The following ATP6V0A4 variants were observed in gnomAD, a reference collection of about 807,000 sequenced individuals.
ATP6V0A4 encodes V-type proton ATPase 116 kDa subunit a 4.
A neutral mutation model predicts 107.3 loss-of-function variants in ATP6V0A4; 86 were observed. The ratio of observed to expected loss-of-function variants is 0.80; its 90% CI spans 0.67 to 0.96. The LOEUF (loss-of-function observed/expected upper bound fraction) is 0.96, where lower values mean the gene tolerates loss of function less well. Ranked by LOEUF, ATP6V0A4 falls within the 40% of genes least tolerant of loss-of-function variation. The pLI, the probability that ATP6V0A4 is intolerant of heterozygous loss-of-function variation, is 0.00. For synonymous variants in ATP6V0A4, 353 were observed against 381.4 expected (o/e 0.93, Z 0.87); for missense variants, 908 against 1,045.6 (o/e 0.87, Z 1.81).
At chr7:138,753,273 C>G (rs1425627860) in intron 10 of ATP6V0A4, among the ~76,000 whole-genome samples, 1 of 152,172 alleles carries the variant, frequency 6.6e-6, no homozygotes, top group African/African-American at 2.4e-5. Flanking sequence ...TACCACGTGA[C>G]AACAGAGGCA....
intron 18 of ATP6V0A4, among the ~76,000 whole-genome samples, chr7:138,727,544 G>C (rs554068137): frequency 3.5e-4 from 53 of 152,268 alleles, no homozygotes; most frequent in African/African-American, 1.3e-3. Context: ...GAGACAGTGG[G>C]AGGAGAGGCA....
At chr7:138,722,048 G>C in intron 18 of ATP6V0A4, 23 bp from the exon 19 acceptor site, 1 of 1,613,894 alleles carries the variant, frequency 6.2e-7, no homozygotes, top group Non-Finnish European at 8.5e-7. Flanking sequence ...AGGGAAATGA[G>C]GAATGCGCTC....
intron 16 of ATP6V0A4, among the ~76,000 whole-genome samples, chr7:138,733,657 C>A (rs1805151346): frequency 6.7e-6 from 1 of 148,592 alleles, no homozygotes; most frequent in South Asian, 2.1e-4. Context: ...TGGCTCACTG[C>A]CACCTCTGCC....
intron 19 of ATP6V0A4, among the ~76,000 whole-genome samples, chr7:138,718,464 G>A (rs1414558214): frequency 8.4e-6 from 1 of 119,362 alleles, no homozygotes; most frequent in African/African-American, 3.5e-5. Flanking sequence ...GGAAGGAATG[G>A]GGGGGATGGC....
intron 13 of ATP6V0A4, among the ~76,000 whole-genome samples, chr7:138,745,960 A>T (rs368296820): frequency 0.098 from 5,976 of 60,866 alleles, 190 homozygotes; most frequent in East Asian, 0.18. Flanking sequence ...AAAAAAAAAA[A>T]AAATATATAT....
intron 2 of ATP6V0A4, among the ~76,000 whole-genome samples, chr7:138,779,581 T>C (rs1385716484): frequency 6.6e-6 from 1 of 152,176 alleles, no homozygotes; most frequent in African/African-American, 2.4e-5. Context: ...TTGGCACCTA[T>C]GTGCAACTCT....
rs896761930 is a variant in ATP6V0A4, at chr7:138,773,569, C to T, written c.-17-2305G>A. ...CCATTCCCTGTTTCCACTCCCACAC[C>T]GGTCTAGGTCAACAGCACCACAAAG... On this transcript the variant is annotated intron_variant, in intron 2 of 21. Transcript: ENST00000310018. The surrounding 1 kb of genome is among the most constrained non-coding windows in gnomAD (Gnocchi z 5.4). Among the ~76,000 whole-genome samples the T allele has an allele frequency of 6.6e-6, 1 of 152,174 alleles. No homozygotes were observed. The highest frequency in any genetic ancestry group is 1.5e-5 in the Non-Finnish European group (1 of 68,036).
At chr7:138,744,827 C>T (rs896027229) in intron 14 of ATP6V0A4, among the ~76,000 whole-genome samples, 25 of 152,224 alleles carry the variant, frequency 1.6e-4, no homozygotes, top group South Asian at 6.2e-4. Context: ...CTCAGCCTCC[C>T]GAGTAGCTGA....
intron 7 of ATP6V0A4, 135 bp downstream of exon 7, chr7:138,762,205 T>C: frequency 1.7e-6 from 2 of 1,153,352 alleles, no homozygotes; most frequent in Non-Finnish European, 2.6e-6. Flanking sequence ...CATATGGGTC[T>C]ATCGCTTGGC....
Position 138,717,822 on chromosome 7 carries a change from C to T in ATP6V0A4, c.2140-1941G>A, listed in dbSNP as rs1352946169. Among the ~76,000 whole-genome samples the T allele has an allele frequency of 4.2e-5, 6 of 143,332 alleles. No individual in the cohort carries two copies. In the East Asian group the frequency reaches 1.1e-3, roughly 26 times the overall value. The allele number at this position is 143,332 out of a possible 152,430, so 94.0% of individuals were successfully genotyped here. A position where few individuals can be genotyped will look rare whatever the true frequency, so the allele number is the denominator to read the frequency against. ...ACTTGGGAGGCTGAGGCAGGAGAAT[C>T]GCTTGAACCCGGGAGGCGGAGGTTG... is the stretch of plus-strand genomic sequence containing the variant. On this transcript the variant is annotated intron_variant, in intron 19 of 21. Coordinates refer to ENST00000310018, the MANE Select transcript of ATP6V0A4 (RefSeq NM_020632.3).
At chr7:138,725,964 G>A (rs188629358) in intron 18 of ATP6V0A4, among the ~76,000 whole-genome samples, 79 of 151,606 alleles carry the variant, frequency 5.2e-4, no homozygotes, top group Admixed American at 1.2e-3. Flanking sequence ...CATAAAAAAC[G>A]CACATGTTGA....
chr7:138,731,583 T>C (rs530266474), intron 17 of ATP6V0A4, among the ~76,000 whole-genome samples: 31 of 152,072 alleles, frequency 2.0e-4, no homozygotes, highest in Non-Finnish European at 3.8e-4. Flanking sequence ...CCCAATAGGA[T>C]TTGTATACCT....
In ATP6V0A4 at chr7:138,735,014, G is replaced by A. The variant is rs3807151; in HGVS notation, c.1573-760C>T. Reference sequence around the variant, plus strand: ...TAGCCAATCTTTGCAAGCACGATGCGTAAGACACAGTCCCTGCCTTCTACA... The same window carrying A: ...TAGCCAATCTTTGCAAGCACGATGCATAAGACACAGTCCCTGCCTTCTACA... On this transcript the variant is annotated intron_variant, in intron 15 of 21. Transcript: ENST00000310018. Among the ~76,000 whole-genome samples, 146 of 152,196 alleles carry A rather than the reference G, an allele frequency of 9.6e-4. 2 individuals are homozygous for A. In the East Asian group the frequency reaches 0.023, roughly 24 times the overall value.
rs1554390955 is a variant in ATP6V0A4, at chr7:138,723,055, C to CCAA, written c.2011-1031_2011-1030insTTG. On this transcript the variant is annotated intron_variant, in intron 18 of 21. Coordinates refer to ENST00000310018, the MANE Select transcript of ATP6V0A4 (RefSeq NM_020632.3). ...CCTGGGGGACAGAGTGAGACTGTCT[C>CCAA]AAAAAAAAAAAAAAAAAGAAAAATA... 3.8e-4 allele frequency among the ~76,000 whole-genome samples: 46 copies of CCAA among 122,368 alleles called. 1 individual carries two copies. The highest frequency in any genetic ancestry group is 8.1e-4 in the South Asian group (3 of 3,682). 80.3% of individuals were successfully genotyped at this position (122,368 alleles called of 152,430 possible). A position where few individuals can be genotyped will look rare whatever the true frequency, so the allele number is the denominator to read the frequency against.
At chr7:138,789,543 TG>T in intron 1 of ATP6V0A4, among the ~76,000 whole-genome samples, 1 of 151,866 alleles carries the variant, frequency 6.6e-6, no homozygotes, top group South Asian at 2.1e-4. Flanking sequence ...CCACCATGCC[TG>T]GCCAGCTTGT....
chr7:138,727,490 T>C (rs1804779425), intron 18 of ATP6V0A4, among the ~76,000 whole-genome samples: 1 of 152,102 alleles, frequency 6.6e-6, no homozygotes, highest in African/African-American at 2.4e-5. Context: ...CTCATATAGA[T>C]TACGTTTCAG....
chr7:138,786,374 G>A (rs1808177691), intron 1 of ATP6V0A4, 114 bp from the exon 2 acceptor site: 2 of 152,262 alleles, frequency 1.3e-5, no homozygotes. Context: ...TTGAGCCCAG[G>A]AGTCTGAAAC....
chr7:138,767,638 T>G (rs1412924866), intron 5 of ATP6V0A4, among the ~76,000 whole-genome samples: 4 of 149,422 alleles, frequency 2.7e-5, no homozygotes, highest in Non-Finnish European at 5.9e-5. Context: ...AATTTGAAGT[T>G]ATCTTCAAAA....
At chr7:138,757,274 G>T (rs1268491851) in intron 8 of ATP6V0A4, among the ~76,000 whole-genome samples, 1 of 152,192 alleles carries the variant, frequency 6.6e-6, no homozygotes, top group East Asian at 1.9e-4. Flanking sequence ...CCAGCACTTT[G>T]GGAGGCTAAG....
Sources: gnomAD v4.1 joint callset for allele counts (sites outside exome capture counted in the v4.1 genomes callset) on GRCh38, gnomAD v4.1.1 for gene constraint, Gnocchi (gnomAD v3.1) non-coding constraint, MANE v1.5 for transcripts, NCBI Gene and HGNC (gene_info 2026-07-23, HGNC 2026-07-21) for gene names.